The following PTPRG variants were observed in gnomAD, a reference collection of about 807,000 sequenced individuals.
PTPRG encodes the protein protein tyrosine phosphatase receptor type G, also known as receptor-type tyrosine-protein phosphatase gamma.
A neutral mutation model predicts 165.3 loss-of-function variants in PTPRG; 102 were observed. The observed-to-expected ratio is 0.62, with a 90% CI of 0.53 to 0.73. The LOEUF (loss-of-function observed/expected upper bound fraction) is 0.73. Ranked by LOEUF, PTPRG falls within the 30% of genes least tolerant of loss-of-function variation. The probability of loss-of-function intolerance (pLI) is 0.00; values close to 1 mark genes in which losing one functional copy is unlikely to be tolerated. For synonymous variants in PTPRG, 675 were observed against 669.5 expected, an observed-to-expected ratio of 1.01 and a Z score of -0.13; for missense variants, 1,866 against 1,861.4, an observed-to-expected ratio of 1.00 and a Z score of -0.05.
chr3:61,851,196 T>C (rs1462984211), intron 2 of PTPRG, among the ~76,000 whole-genome samples: 2 of 152,122 alleles, frequency 1.3e-5, no homozygotes, highest in Admixed American at 1.3e-4. Flanking sequence ...ATGGACTTTG[T>C]TGGAGAAAGG....
intron 2 of PTPRG, among the ~76,000 whole-genome samples, chr3:61,828,447 A>G (rs2107282778): frequency 6.6e-6 from 1 of 152,344 alleles, no homozygotes; most frequent in East Asian, 1.9e-4. Context: ...CATGGAGAAG[A>G]TGCTTTTAGA....
At chr3:62,111,257 G>A (rs1005668291) in intron 5 of PTPRG, among the ~76,000 whole-genome samples, 1 of 152,186 alleles carries the variant, frequency 6.6e-6, no homozygotes, top group African/African-American at 2.4e-5. Context: ...GTTGGTGAAC[G>A]TGGTATTCTG....
At chr3:61,844,965 A>G (rs1312732095) in intron 2 of PTPRG, among the ~76,000 whole-genome samples, 2 of 152,236 alleles carry the variant, frequency 1.3e-5, no homozygotes, top group Non-Finnish European at 2.9e-5. Context: ...GGGCAAGGCT[A>G]TATCTGCCTT....
intron 2 of PTPRG, among the ~76,000 whole-genome samples, chr3:61,906,073 A>T (rs2038641821): frequency 1.3e-5 from 2 of 152,144 alleles, no homozygotes; most frequent in African/African-American, 4.8e-5. Flanking sequence ...ATGTGACATT[A>T]TTAAAGTTGG....
chr3:62,008,672 T>A (rs1360248468), intron 4 of PTPRG, among the ~76,000 whole-genome samples: 2 of 152,196 alleles, frequency 1.3e-5, no homozygotes, highest in African/African-American at 4.8e-5. Flanking sequence ...GAAGACAGTT[T>A]TTCCGTGGAC....
At chr3:61,725,183 T>A (rs2032206610) in intron 1 of PTPRG, among the ~76,000 whole-genome samples, 2 of 152,186 alleles carry the variant, frequency 1.3e-5, no homozygotes, top group Admixed American at 6.5e-5. Flanking sequence ...TACGCTTTTT[T>A]TTGGGACAGA....
At chr3:61,628,053 T>G (rs894873062) in intron 1 of PTPRG, among the ~76,000 whole-genome samples, 1 of 152,220 alleles carries the variant, frequency 6.6e-6, no homozygotes, top group Non-Finnish European at 1.5e-5. Context: ...CCAGGATTTA[T>G]GGACAGACAG....
At chr3:62,248,642 A>G (rs925129219) in intron 15 of PTPRG, among the ~76,000 whole-genome samples, 1 of 152,214 alleles carries the variant, frequency 6.6e-6, no homozygotes, top group African/African-American at 2.4e-5. Flanking sequence ...GGCTTTCATT[A>G]TATATAAACT....
chr3:61,647,923 G>A (rs1488684457), intron 1 of PTPRG, among the ~76,000 whole-genome samples: 2 of 151,972 alleles, frequency 1.3e-5, no homozygotes, highest in Non-Finnish European at 2.9e-5. Flanking sequence ...TCCTGATTGT[G>A]ATTGCGGCCT....
At chr3:61,753,585 G>GTTTTC in intron 2 of PTPRG, 1 of 362,970 alleles carries the variant, frequency 2.8e-6, no homozygotes, top group Admixed American at 3.5e-5. Flanking sequence ...AAATTTGAGG[G>GTTTTC]TTTTTTTTTT....
intron 4 of PTPRG, among the ~76,000 whole-genome samples, chr3:62,063,839 G>A (rs1700906191): frequency 6.6e-6 from 1 of 152,042 alleles, no homozygotes; most frequent in Non-Finnish European, 1.5e-5. Flanking sequence ...CCTTTGGAGT[G>A]TTAGTGAGCT....
At chr3:61,712,455 C>T (rs978978204) in intron 1 of PTPRG, among the ~76,000 whole-genome samples, 11 of 151,928 alleles carry the variant, frequency 7.2e-5, no homozygotes, top group Admixed American at 5.9e-4. Flanking sequence ...GAATATAATT[C>T]CCATGTGTCG....
chr3:61,763,613 C>T (rs191559015), intron 2 of PTPRG, among the ~76,000 whole-genome samples: 150,791 of 150,802 alleles, frequency 1, 75,390 homozygotes, highest in Middle Eastern at 1. Context: ...TCAGGTGATC[C>T]ACCCGCCTCA....
chr3:61,607,220 G>A (rs1253770130), intron 1 of PTPRG, among the ~76,000 whole-genome samples: 1 of 152,198 alleles, frequency 6.6e-6, no homozygotes, highest in Non-Finnish European at 1.5e-5. Context: ...CCTTGACACT[G>A]TAGTGGTATG....
chr3:62,249,666 A>G lies in PTPRG; in HGVS notation c.2468-5458A>G, dbSNP rs1050327507. Among the ~76,000 whole-genome samples, 15 of 152,188 alleles carry G rather than the reference A, an allele frequency of 9.9e-5. 1 individual carries two copies. The highest frequency in any genetic ancestry group is 3.1e-4 in the African/African-American group (13 of 41,448). On this transcript the variant is annotated intron_variant, in intron 15 of 29. Transcript: ENST00000474889. ...ATTTTATTAAATAGACCTTAAGTCA[A>G]TCAACTGCAGCAGCTAAGCATCTTG...
At chr3:62,054,054 C>T (rs914351445) in intron 4 of PTPRG, among the ~76,000 whole-genome samples, 4 of 152,140 alleles carry the variant, frequency 2.6e-5, no homozygotes, top group Non-Finnish European at 4.4e-5. Flanking sequence ...TGGACCTTCT[C>T]GGTCTTAACC....
At chr3:61,800,598 G>A (rs1472881012) in intron 2 of PTPRG, among the ~76,000 whole-genome samples, 1 of 151,836 alleles carries the variant, frequency 6.6e-6, no homozygotes, top group Non-Finnish European at 1.5e-5. Context: ...TGTTTCCTGA[G>A]GTAATAGGTG....
intron 1 of PTPRG, among the ~76,000 whole-genome samples, chr3:61,674,262 G>C (rs764370324): frequency 6.6e-6 from 1 of 151,910 alleles, no homozygotes; most frequent in African/African-American, 2.4e-5. Context: ...ATGTTGCCTT[G>C]AGTAGAAAGA....
At chr3:61,724,548 A>G (rs1395778856) in intron 1 of PTPRG, among the ~76,000 whole-genome samples, 1 of 152,032 alleles carries the variant, frequency 6.6e-6, no homozygotes, top group South Asian at 2.1e-4. Context: ...TGTATATTTA[A>G]GTTTTTTTTA....
Sources: gnomAD v4.1 joint callset for allele counts (sites outside exome capture counted in the v4.1 genomes callset) on GRCh38, gnomAD v4.1.1 for gene constraint, MANE v1.5 for transcripts, NCBI Gene and HGNC (gene_info 2026-07-23, HGNC 2026-07-21) for gene names.